The following RAD51B variants were observed in gnomAD, a reference collection of about 807,000 sequenced individuals.
The protein encoded by RAD51B is DNA repair protein RAD51 homolog 2.
A neutral mutation model predicts 42.2 loss-of-function variants in RAD51B; 38 were observed. That is an observed-to-expected ratio of 0.90 (90% CI 0.70 to 1.18). The LOEUF (loss-of-function observed/expected upper bound fraction) is 1.18. Ranked by LOEUF, RAD51B falls within the 50% of genes most tolerant of loss-of-function variation. RAD51B has a pLI of 0.00. For missense variants in RAD51B, 373 were observed against 400.7 expected (o/e 0.93, Z 0.59); for synonymous variants, 154 against 145.2 (o/e 1.06, Z -0.43).
At chr14:68,095,609 A>G (rs1348815087) in intron 7 of RAD51B, among the ~76,000 whole-genome samples, 1 of 152,022 alleles carries the variant, frequency 6.6e-6, no homozygotes, top group South Asian at 2.1e-4. Context: ...TGGTATTCAC[A>G]TACCCAATAC....
rs539668918 is a variant in RAD51B at position 67,999,240 on chromosome 14, T to C, written c.756+112036T>C. 1.7e-3 allele frequency among the ~76,000 whole-genome samples: 258 copies of C among 152,242 alleles called. 1 individual carries two copies. The highest frequency in any genetic ancestry group is 2.5e-3 in the Non-Finnish European group (173 of 68,008). On this transcript the variant is annotated intron_variant, in intron 7 of 10. Coordinates refer to ENST00000471583, the MANE Select transcript of RAD51B (RefSeq NM_133510.4). ...AGTAGGACAGATCTGGTACTAGTTATTCTGTTATAGCTGGAAGTCCAGGTA... is the reference window on the plus strand; with the variant it reads ...AGTAGGACAGATCTGGTACTAGTTACTCTGTTATAGCTGGAAGTCCAGGTA...
intron 7 of RAD51B, among the ~76,000 whole-genome samples, chr14:68,150,664 T>C (rs1818754049): frequency 6.6e-6 from 1 of 152,202 alleles, no homozygotes; most frequent in South Asian, 2.1e-4. Context: ...ATTAACCTTA[T>C]ATCTTATTTG....
At chr14:67,934,549 A>C (rs564986561) in intron 7 of RAD51B, among the ~76,000 whole-genome samples, 230 of 152,238 alleles carry the variant, frequency 1.5e-3, no homozygotes, top group African/African-American at 5.4e-3. Context: ...ACCCTCAGAG[A>C]GTTGATAGCT....
chr14:67,827,163 G>A lies in RAD51B; in HGVS notation c.198+1586G>A, dbSNP rs79862421. On this transcript the variant is annotated intron_variant, in intron 3 of 10. Coordinates refer to ENST00000471583, the MANE Select transcript of RAD51B (RefSeq NM_133510.4). ...GAGAAAACAGAAGTTAAAATACTAT[G>A]CAATGATTCTGTGACTAGATTCAAA... Among the ~76,000 whole-genome samples the A allele has an allele frequency of 6.3e-3, 966 of 152,254 alleles. 13 individuals carry two copies. Among genetic ancestry groups the A allele is most frequent in the African/African-American group, 0.022 (933 of 41,536 alleles).
At chr14:68,178,140 T>A (rs1881417811) in intron 7 of RAD51B, among the ~76,000 whole-genome samples, 1 of 152,056 alleles carries the variant, frequency 6.6e-6, no homozygotes, top group Non-Finnish European at 1.5e-5. Flanking sequence ...TGAAACCCTA[T>A]CTCTTTGCGG....
chr14:68,120,637 T>G (rs1327178521), intron 7 of RAD51B, among the ~76,000 whole-genome samples: 1 of 151,362 alleles, frequency 6.6e-6, no homozygotes, highest in East Asian at 1.9e-4. Flanking sequence ...TCAAGGTGGG[T>G]TTTTTTTTCT....
At chr14:68,317,986 A>G (rs2082092421) in intron 8 of RAD51B, among the ~76,000 whole-genome samples, 1 of 152,220 alleles carries the variant, frequency 6.6e-6, no homozygotes, top group African/African-American at 2.4e-5. Flanking sequence ...TGCCTGTATC[A>G]AGGAAGGCTT....
chr14:68,226,282 G>A (rs1190749933), intron 7 of RAD51B, among the ~76,000 whole-genome samples: 1 of 152,190 alleles, frequency 6.6e-6, no homozygotes, highest in Non-Finnish European at 1.5e-5. Flanking sequence ...GAGTTTAAAA[G>A]TAAGAAAGCA....
intron 10 of RAD51B, among the ~76,000 whole-genome samples, chr14:68,617,401 G>C (rs1284382741): frequency 6.6e-6 from 1 of 152,158 alleles, no homozygotes; most frequent in Non-Finnish European, 1.5e-5. Flanking sequence ...TTACATCTCA[G>C]AATCCCATGT....
intron 10 of RAD51B, among the ~76,000 whole-genome samples, chr14:68,500,727 T>G (rs1156441726): frequency 6.6e-6 from 1 of 152,196 alleles, no homozygotes; most frequent in Non-Finnish European, 1.5e-5. Flanking sequence ...TAAGGTCCTT[T>G]CTTCGCTCTC....
intron 7 of RAD51B, among the ~76,000 whole-genome samples, chr14:67,981,594 G>A (rs985872747): frequency 6.6e-6 from 1 of 152,052 alleles, no homozygotes; most frequent in African/African-American, 2.4e-5. Context: ...ACAAACTATA[G>A]TATATCCATA....
At chr14:68,633,482 G>A (rs1174781157) in intron 10 of RAD51B, among the ~76,000 whole-genome samples, 2 of 152,116 alleles carry the variant, frequency 1.3e-5, no homozygotes, top group Admixed American at 6.5e-5. Flanking sequence ...CCCACCCCTG[G>A]AGAGGACAAG....
chr14:67,949,906 A>T (rs2074411204), intron 7 of RAD51B, among the ~76,000 whole-genome samples: 1 of 152,100 alleles, frequency 6.6e-6, no homozygotes, highest in African/African-American at 2.4e-5. Context: ...AAATATTTTG[A>T]AAAGAATCTT....
At chr14:68,123,397 GC>G (rs1450459322) in intron 7 of RAD51B, among the ~76,000 whole-genome samples, 1 of 151,848 alleles carries the variant, frequency 6.6e-6, no homozygotes, top group Non-Finnish European at 1.5e-5. Flanking sequence ...TTATTATGTT[GC>G]CCAGGCTGGT....
intron 10 of RAD51B, among the ~76,000 whole-genome samples, chr14:68,531,740 T>C (rs1323272297): frequency 6.6e-6 from 1 of 152,202 alleles, no homozygotes; most frequent in African/African-American, 2.4e-5. Context: ...GGCTCACACT[T>C]ATAATCCTAG....
intron 8 of RAD51B, among the ~76,000 whole-genome samples, chr14:68,323,390 C>T (rs1057176750): frequency 6.6e-6 from 1 of 152,162 alleles, no homozygotes; most frequent in African/African-American, 2.4e-5. Context: ...CTGGGCTGAG[C>T]CCCCACTTGT....
rs79039682 is a variant in RAD51B, at chr14:68,043,052, A to G, written c.756+155848A>G. Among the ~76,000 whole-genome samples the G allele has an allele frequency of 3.7e-3, 526 of 142,386 alleles. 2 individuals carry two copies. Among genetic ancestry groups the G allele is most frequent in the African/African-American group, 0.013 (470 of 35,546 alleles). The allele number at this position is 142,386 out of a possible 152,430, so 93.4% of individuals were successfully genotyped here. On this transcript the variant is annotated intron_variant, in intron 7 of 10. Coordinates refer to ENST00000471583, the MANE Select transcript of RAD51B (RefSeq NM_133510.4). Reference sequence around the variant, plus strand: ...AAGGCTAAATGCTCTTTGAATGGGGAAAAAAAAAAACTCTCTCAACAGATG... The same window carrying G: ...AAGGCTAAATGCTCTTTGAATGGGGGAAAAAAAAAACTCTCTCAACAGATG...
chr14:68,631,963 C>T (rs7152522), intron 10 of RAD51B, among the ~76,000 whole-genome samples: 21,188 of 152,156 alleles, frequency 0.14, 1,631 homozygotes, highest in South Asian at 0.19. Flanking sequence ...CAGGAGCCCT[C>T]AGTGAGGGTT....
intron 10 of RAD51B, among the ~76,000 whole-genome samples, chr14:68,641,031 T>A (rs1444988977): frequency 6.6e-6 from 1 of 152,236 alleles, no homozygotes; most frequent in Non-Finnish European, 1.5e-5. Flanking sequence ...TGAAGAGTTT[T>A]AAGCAAGAGA....
Sources: gnomAD v4.1 joint callset for allele counts (sites outside exome capture counted in the v4.1 genomes callset) on GRCh38, gnomAD v4.1.1 for gene constraint, MANE v1.5 for transcripts, NCBI Gene and HGNC (gene_info 2026-07-23, HGNC 2026-07-21) for gene names.